Variants in SOX6 observed in about 807,000 individuals in gnomAD.
SOX6 encodes the protein transcription factor SOX-6.
In SOX6, 11 loss-of-function variants were observed where a neutral mutation model predicts 97.8. The observed-to-expected ratio is 0.11, with a 90% confidence interval of 0.07 to 0.19. SOX6 has a LOEUF of 0.19. Ranked by LOEUF, SOX6 falls within the 10% of genes least tolerant of loss-of-function variation. SOX6 has a pLI of 1.00. For synonymous variants in SOX6, 360 were observed against 371.4 expected (o/e 0.97, Z 0.35); for missense variants, 810 against 1,039.5 (o/e 0.78, Z 3.04).
rs146885230 is a variant in SOX6, at chr11:16,214,883, G to A, written c.535+19699C>T. 4.2e-3 allele frequency among the ~76,000 whole-genome samples: 640 copies of A among 151,504 alleles called. 6 individuals are homozygous for A. Among genetic ancestry groups the A allele is most frequent in the African/African-American group, 0.013 (546 of 41,294 alleles). The stretch of plus-strand genomic sequence containing the variant: ...TCCTGCCTCAGCCTCCTGAGTAGCC[G>A]GGATGACAGGCACACACCACCACAC... On this transcript the variant is annotated intron_variant, in intron 4 of 15. Coordinates refer to ENST00000683767, the MANE Select transcript of SOX6 (RefSeq NM_001367873.1).
At chr11:16,275,467 AAAAAC>A (rs763189854) in intron 3 of SOX6, among the ~76,000 whole-genome samples, 11 of 149,702 alleles carry the variant, frequency 7.3e-5, no homozygotes, top group African/African-American at 2.4e-4. Context: ...AAAAAGAACA[AAAAAC>A]AAAACAAAAC....
chr11:16,505,053 G>A (rs1370571311), intron 4 of SOX6, among the ~76,000 whole-genome samples: 2 of 152,204 alleles, frequency 1.3e-5, no homozygotes, highest in African/African-American at 2.4e-5. Flanking sequence ...TTTCTATAAA[G>A]ATACTTGAAA....
In SOX6 at chr11:16,709,900, T is replaced by C. The variant is rs1848164716; in HGVS notation, n.429+4930A>G. ...GAATGAATATCTCACACTTCTCCTC[T>C]ACCAGCCATCCATTATCAATTCTTT... On this transcript the variant is annotated intron_variant and non_coding_transcript_variant, in intron 3 of 5. Coordinates refer to the SOX6 transcript ENST00000524520. Among the ~76,000 whole-genome samples, 2 of 152,214 alleles carry C rather than the reference T, an allele frequency of 1.3e-5. 1 individual carries two copies. Among genetic ancestry groups the C allele is most frequent in the South Asian group, 4.1e-4 (2 of 4,836 alleles).
intron 6 of SOX6, among the ~76,000 whole-genome samples, chr11:16,174,083 C>A (rs1260224493): frequency 1.4e-5 from 2 of 147,120 alleles, no homozygotes; most frequent in African/African-American, 5.0e-5. Context: ...TCTCACCTCT[C>A]AGACAAAAAT....
chr11:16,366,262 G>T (rs1044092633), intron 1 of SOX6, among the ~76,000 whole-genome samples: 1 of 152,076 alleles, frequency 6.6e-6, no homozygotes, highest in Admixed American at 6.6e-5. Flanking sequence ...CTCCCATACA[G>T]TGTTTAATCA....
intron 4 of SOX6, among the ~76,000 whole-genome samples, chr11:16,599,816 T>C (rs900840283): frequency 2.0e-5 from 3 of 152,170 alleles, no homozygotes; most frequent in African/African-American, 7.2e-5. Context: ...ACATCTTTCC[T>C]AAAAATGAAA....
At chr11:16,168,075 T>C (rs1454196272) in intron 6 of SOX6, among the ~76,000 whole-genome samples, 1 of 152,128 alleles carries the variant, frequency 6.6e-6, no homozygotes, top group East Asian at 1.9e-4. Context: ...AATGAGAAGT[T>C]GACTTTAGGA....
intron 6 of SOX6, among the ~76,000 whole-genome samples, chr11:16,163,849 A>G (rs985935987): frequency 3.9e-5 from 6 of 152,180 alleles, no homozygotes; most frequent in Non-Finnish European, 8.8e-5. Flanking sequence ...CTTCTATGAA[A>G]AGTTGGGGCA....
chr11:16,030,061 C>G (rs1482581274), intron 12 of SOX6, among the ~76,000 whole-genome samples: 1 of 152,158 alleles, frequency 6.6e-6, no homozygotes, highest in Non-Finnish European at 1.5e-5. Flanking sequence ...GAGAGCCAAA[C>G]TTCTCGACTG....
intron 4 of SOX6, among the ~76,000 whole-genome samples, chr11:16,598,004 C>T (rs1403164957): frequency 6.6e-6 from 1 of 151,824 alleles, no homozygotes; most frequent in African/African-American, 2.4e-5. Context: ...ATGTAACTTC[C>T]CAAAGATTAC....
intron 10 of SOX6, among the ~76,000 whole-genome samples, chr11:16,055,000 A>G (rs1847778204): frequency 6.6e-6 from 1 of 152,238 alleles, no homozygotes; most frequent in East Asian, 1.9e-4. Flanking sequence ...AATGTCCCAG[A>G]CATAACTTGG....
At chr11:16,099,967 T>A (rs1320598824) in intron 7 of SOX6, among the ~76,000 whole-genome samples, 5 of 151,476 alleles carry the variant, frequency 3.3e-5, no homozygotes, top group Non-Finnish European at 1.5e-5. Flanking sequence ...AGCAACAGAG[T>A]ATATAACAGA....
At chr11:16,268,925 T>G (rs1165280010) in intron 3 of SOX6, among the ~76,000 whole-genome samples, 3 of 151,062 alleles carry the variant, frequency 2.0e-5, no homozygotes, top group Non-Finnish European at 3.0e-5. Flanking sequence ...GCAAATACTT[T>G]TATTTGTATG....
At chr11:16,033,926 GGAAAA>G (rs200701393) in intron 12 of SOX6, among the ~76,000 whole-genome samples, 1 of 151,478 alleles carries the variant, frequency 6.6e-6, no homozygotes, top group Non-Finnish European at 1.5e-5. Flanking sequence ...AGAAAAGAAA[GGAAAA>G]GAAAAGAAAA....
chr11:16,263,865 A>G (rs1853981104), intron 3 of SOX6, among the ~76,000 whole-genome samples: 1 of 151,906 alleles, frequency 6.6e-6, no homozygotes, highest in South Asian at 2.1e-4. Context: ...TATCATTTAT[A>G]TTCTCTATCT....
intron 12 of SOX6, among the ~76,000 whole-genome samples, chr11:16,021,466 T>C (rs1440152340): frequency 6.6e-6 from 1 of 152,140 alleles, no homozygotes; most frequent in African/African-American, 2.4e-5. Flanking sequence ...AGTAATTTAA[T>C]GAATGATCAA....
intron 4 of SOX6, among the ~76,000 whole-genome samples, chr11:16,611,140 G>C (rs544665860): frequency 6.6e-6 from 1 of 152,372 alleles, no homozygotes; most frequent in East Asian, 1.9e-4. Flanking sequence ...CGCACCTCCA[G>C]AGAAGAGGCG....
chr11:16,674,073 C>G (rs984736285), intron 3 of SOX6, among the ~76,000 whole-genome samples: 3 of 150,350 alleles, frequency 2.0e-5, no homozygotes, highest in East Asian at 4.0e-4. Context: ...GCCTGTAGTC[C>G]CAGCTACTCG....
At chr11:16,281,230 A>G (rs979803718) in intron 3 of SOX6, among the ~76,000 whole-genome samples, 17 of 152,176 alleles carry the variant, frequency 1.1e-4, no homozygotes, top group Admixed American at 2.6e-4. Flanking sequence ...TTCAGAAGTC[A>G]TAGCTTTTCA....
Sources: allele counts gnomAD v4.1 joint callset (sites outside exome capture counted in the v4.1 genomes callset), GRCh38; gene constraint gnomAD v4.1.1; transcripts MANE v1.5; gene names NCBI Gene and HGNC (gene_info 2026-07-23, HGNC 2026-07-21).